Variants in AHI1 observed in about 807,000 individuals in gnomAD.
AHI1 encodes Abelson helper integration site 1.
A neutral mutation model predicts 149.3 loss-of-function variants in AHI1; 123 were observed. The observed-to-expected ratio is 0.82, with a 90% CI of 0.71 to 0.96. The LOEUF (loss-of-function observed/expected upper bound fraction) is 0.96. Among genes scored for constraint, AHI1 ranks in the 40% least tolerant of loss-of-function variants. The pLI, the probability that AHI1 is intolerant of heterozygous loss-of-function variation, is 0.00. For synonymous variants in AHI1, 475 were observed against 459.8 expected (o/e 1.03, Z -0.42); for missense variants, 1,439 against 1,422.7 (o/e 1.01, Z -0.18).
intron 7 of AHI1, among the ~76,000 whole-genome samples, chr6:135,465,586 T>C (rs905876024): frequency 6.6e-6 from 1 of 152,180 alleles, no homozygotes; most frequent in Non-Finnish European, 1.5e-5. Flanking sequence ...ATAGGAAGAA[T>C]ATTACTTTTC....
At chr6:135,439,681 C>T (rs113944876) in intron 14 of AHI1, among the ~76,000 whole-genome samples, 12 of 152,210 alleles carry the variant, frequency 7.9e-5, no homozygotes, top group East Asian at 5.8e-4. Flanking sequence ...ACACCTCAAA[C>T]GACAAAAGTA....
At chr6:135,350,775 GA>G (rs548581710) in intron 24 of AHI1, among the ~76,000 whole-genome samples, 9 of 152,166 alleles carry the variant, frequency 5.9e-5, no homozygotes, top group Admixed American at 1.3e-4. Context: ...GTGAGTGGGA[GA>G]AAGGTTGGTT....
intron 11 of AHI1, among the ~76,000 whole-genome samples, chr6:135,452,603 T>C (rs1788296262): frequency 6.6e-6 from 1 of 152,220 alleles, no homozygotes; most frequent in South Asian, 2.1e-4. Flanking sequence ...AATCCCACAG[T>C]GGCTTCCCAT....
rs1037534215 is a variant in AHI1, at chr6:135,456,821, T to C, written c.1151+673A>G. On this transcript the variant is annotated intron_variant, in intron 9 of 28. Coordinates refer to ENST00000265602, the MANE Select transcript of AHI1 (RefSeq NM_001134831.2). The stretch of plus-strand genomic sequence containing the variant: ...TCTTAGAAAAAACATTCAAGATTCA[T>C]TTACCTTACCTGAAGCCCAGATAAC... Among the ~76,000 whole-genome samples the C allele has an allele frequency of 3.9e-5, 6 of 152,204 alleles. No homozygotes were observed. In the South Asian group the frequency reaches 8.3e-4, roughly 21 times the overall value.
chr6:135,413,934 A>C (rs1028270211), intron 20 of AHI1, among the ~76,000 whole-genome samples: 1 of 152,180 alleles, frequency 6.6e-6, no homozygotes, highest in African/African-American at 2.4e-5. Flanking sequence ...AATGATCTGT[A>C]GATTCAATGC....
chr6:135,402,943 G>A (rs1780230899), intron 22 of AHI1, among the ~76,000 whole-genome samples: 2 of 152,084 alleles, frequency 1.3e-5, no homozygotes, highest in Admixed American at 1.3e-4. Flanking sequence ...TGCACAGGTG[G>A]TTGGTCCCCC....
chr6:135,391,824 G>C (rs1778544390), intron 23 of AHI1, among the ~76,000 whole-genome samples: 1 of 152,174 alleles, frequency 6.6e-6, no homozygotes, highest in Admixed American at 6.5e-5. Flanking sequence ...TTGCAGTTGG[G>C]GAGAAAGATT....
At chr6:135,466,466 T>A in intron 6 of AHI1, 93 bp from the exon 7 acceptor site, 5 of 1,159,152 alleles carry the variant, frequency 4.3e-6, no homozygotes, top group Non-Finnish European at 1.2e-6. Flanking sequence ...CAATGTGGAA[T>A]TATTGGGAGG....
rs762615689 is a variant in AHI1 at position 135,448,339 on chromosome 6, T to A, written c.1577A>T (p.Tyr526Phe). ...EWWSKCPRNH[Y>F]PSTLYVTVRG... ...TACAGTTACGTACAGTGTTGATGGGTAATGATTTCTTGGACATTTTGACCA... is the reference window on the plus strand; with the variant it reads ...TACAGTTACGTACAGTGTTGATGGGAAATGATTTCTTGGACATTTTGACCA... Residue 526 changes from tyrosine (Y) to phenylalanine (F), a missense_variant, in exon 12 of 29, where the codon TAC becomes TTC. By Grantham distance (22) the Tyr-to-Phe change is conservative. Transcript: ENST00000265602. 6.2e-7 allele frequency: 1 copy of A among 1,611,350 alleles called. No homozygotes were observed. The highest frequency in any genetic ancestry group is 8.5e-7 in the Non-Finnish European group (1 of 1,178,234).
chr6:135,358,102 T>C, intron 24 of AHI1, 30 bp downstream of exon 24: 1 of 1,604,218 alleles, frequency 6.2e-7, no homozygotes, highest in Non-Finnish European at 8.5e-7. Context: ...TTCTTAACAC[T>C]TTTAACAACG....
intron 24 of AHI1, among the ~76,000 whole-genome samples, chr6:135,326,526 A>G (rs1787711964): frequency 6.6e-6 from 1 of 151,940 alleles, no homozygotes; most frequent in Non-Finnish European, 1.5e-5. Flanking sequence ...CTTTCAGTGT[A>G]CCTGTCATGT....
intron 20 of AHI1, among the ~76,000 whole-genome samples, chr6:135,420,707 T>C (rs1464528814): frequency 6.6e-6 from 1 of 152,182 alleles, no homozygotes; most frequent in South Asian, 2.1e-4. Flanking sequence ...GGCTCTGGCA[T>C]AAGGGGGTAC....
intron 5 of AHI1, among the ~76,000 whole-genome samples, chr6:135,479,334 G>A (rs1583450131): frequency 6.6e-6 from 1 of 152,198 alleles, no homozygotes; most frequent in South Asian, 2.1e-4. Flanking sequence ...TGCAGGGGCT[G>A]TACCCTGCAG....
rs766567699 is a variant in AHI1, at chr6:135,358,197, G to C, written c.3110-10C>G. On this transcript the variant is annotated splice_polypyrimidine_tract_variant and intron_variant, in intron 23 of 28. Coordinates refer to ENST00000265602, the MANE Select transcript of AHI1 (RefSeq NM_001134831.2). Reference sequence around the variant, plus strand: ...TCTATGCTGATAATCCCTGTGGAAAGAAAACATTGTGAGTATTTGGTTATT... The same window carrying C: ...TCTATGCTGATAATCCCTGTGGAAACAAAACATTGTGAGTATTTGGTTATT... The C allele has an allele frequency of 2.5e-6, 4 of 1,609,792 alleles. No homozygotes were observed. Among genetic ancestry groups the C allele is most frequent in the Non-Finnish European group, 3.4e-6 (4 of 1,178,040 alleles).
chr6:135,364,719 G>A (rs1381948897), intron 23 of AHI1, among the ~76,000 whole-genome samples: 2 of 152,140 alleles, frequency 1.3e-5, no homozygotes, highest in Admixed American at 6.5e-5. Flanking sequence ...GCGAATCCCC[G>A]TCTCCACCAA....
At chr6:135,467,471 A>G in intron 6 of AHI1, 110 bp downstream of exon 6, 5 of 839,364 alleles carry the variant, frequency 6.0e-6, no homozygotes, top group Non-Finnish European at 1.0e-5. Flanking sequence ...AGTTTAACTG[A>G]TGTGTTGAAA....
intron 23 of AHI1, among the ~76,000 whole-genome samples, chr6:135,389,155 C>T (rs1778075153): frequency 6.7e-6 from 1 of 149,206 alleles, no homozygotes; most frequent in Non-Finnish European, 1.5e-5. Flanking sequence ...CTAAAAAACA[C>T]AAAAAATTAG....
At chr6:135,308,364 C>G (rs538662207) in intron 26 of AHI1, among the ~76,000 whole-genome samples, 31 of 152,170 alleles carry the variant, frequency 2.0e-4, no homozygotes, top group Middle Eastern at 3.4e-3. Context: ...GCCTCCCAAG[C>G]AGCTGGGACT....
intron 8 of AHI1, among the ~76,000 whole-genome samples, chr6:135,462,032 A>G (rs1427267748): frequency 6.6e-6 from 1 of 152,052 alleles, no homozygotes; most frequent in East Asian, 1.9e-4. Context: ...AACTTTAAAA[A>G]TATGTATATG....
Sources: allele counts gnomAD v4.1 joint callset (sites outside exome capture counted in the v4.1 genomes callset), GRCh38; gene constraint gnomAD v4.1.1; transcripts MANE v1.5; gene names NCBI Gene and HGNC (gene_info 2026-07-23, HGNC 2026-07-21).